The following PTPRM variants were observed in gnomAD, a reference collection of about 807,000 sequenced individuals.
The protein encoded by PTPRM is receptor-type tyrosine-protein phosphatase mu.
PTPRM carries 47 observed loss-of-function variants against 186.7 expected under a neutral mutation model. That is an observed-to-expected ratio of 0.25 (90% CI 0.20 to 0.32). The LOEUF (loss-of-function observed/expected upper bound fraction) is 0.32. Ranked by LOEUF, PTPRM falls within the 10% of genes least tolerant of loss-of-function variation. The pLI is 1.00. For missense variants in PTPRM, 1,494 were observed against 1,865.0 expected, an observed-to-expected ratio of 0.80 and a Z score of 3.66; for synonymous variants, 668 against 674.9, an observed-to-expected ratio of 0.99 and a Z score of 0.16.
Position 7,568,458 on chromosome 18 carries a change from C to A in PTPRM, c.73+567C>A, listed in dbSNP as rs1389821020. Among the ~76,000 whole-genome samples, 2 of 151,776 alleles carry A rather than the reference C, an allele frequency of 1.3e-5. No individual in the cohort carries two copies. Among genetic ancestry groups the A allele is most frequent in the Non-Finnish European group, 3.0e-5 (2 of 67,772 alleles). On this transcript the variant is annotated intron_variant, in intron 1 of 32. Coordinates refer to ENST00000580170, the MANE Select transcript of PTPRM (RefSeq NM_001105244.2). This position sits in a 1 kb window ranked among gnomAD's most constrained non-coding sequence, Gnocchi z 5.1. ...GCGGCTGGCGACCCCGGGAGGTCCC[C>A]GCGGTCGTGCAGCGTCTGCGGAGAG... is the stretch of plus-strand genomic sequence containing the variant.
intron 1 of PTPRM, among the ~76,000 whole-genome samples, chr18:7,681,525 A>G (rs2039480548): frequency 6.6e-6 from 1 of 151,896 alleles, no homozygotes; most frequent in Non-Finnish European, 1.5e-5. Flanking sequence ...GTTGATGTGT[A>G]TCTCTGCTCA....
chr18:8,075,296 A>G (rs2089739008), intron 8 of PTPRM, among the ~76,000 whole-genome samples: 2 of 152,186 alleles, frequency 1.3e-5, no homozygotes, highest in South Asian at 2.1e-4. Flanking sequence ...CTATGTAAAG[A>G]TATATATGTC....
chr18:8,177,028 A>G (rs550409641), intron 14 of PTPRM, among the ~76,000 whole-genome samples: 5 of 152,112 alleles, frequency 3.3e-5, no homozygotes, highest in Non-Finnish European at 5.9e-5. Flanking sequence ...TTATGTTTTT[A>G]CTTTTTTCAT....
chr18:8,397,867 T>C (rs751551185), intron 32 of PTPRM, among the ~76,000 whole-genome samples: 15 of 152,180 alleles, frequency 9.9e-5, no homozygotes, highest in Non-Finnish European at 1.8e-4. Context: ...TAGAGAAACA[T>C]AGTGTCCCCT....
chr18:7,843,859 G>C (rs1397343751), intron 2 of PTPRM, among the ~76,000 whole-genome samples: 1 of 152,086 alleles, frequency 6.6e-6, no homozygotes, highest in Admixed American at 6.6e-5. Context: ...CAAGTACCAG[G>C]GCCTGGAATC....
At chr18:7,572,323 C>T (rs976174725) in intron 1 of PTPRM, among the ~76,000 whole-genome samples, 2 of 152,050 alleles carry the variant, frequency 1.3e-5, no homozygotes, top group East Asian at 1.9e-4. Flanking sequence ...ATTATGTCTT[C>T]AGATTATATA....
chr18:8,056,626 G>GAA (rs775371004), intron 7 of PTPRM, among the ~76,000 whole-genome samples: 1 of 121,664 alleles, frequency 8.2e-6, no homozygotes, highest in South Asian at 2.5e-4. Context: ...CATCTCAGAA[G>GAA]AAAAAAAAAA....
Position 8,085,809 on chromosome 18 carries a change from C to T in PTPRM, c.1690C>T (p.Arg564Ter). ...YPGTTYSFTIRASTAKGFGPP... is the reference protein window; with the variant it reads ...YPGTTYSFTI ...GGGGACCACATACTCCTTTACCATC[C>T]GAGCTAGCACAGCTAAGGGTTTTGG... The change falls in exon 10 of 33, where the codon CGA (arginine) becomes TGA (stop). Residue 564 changes from arginine to a stop codon, truncating the protein, a stop_gained. Coordinates refer to ENST00000580170, the MANE Select transcript of PTPRM (RefSeq NM_001105244.2). LOFTEE classifies it high-confidence loss of function. The T allele has an allele frequency of 2.5e-6, 4 of 1,613,466 alleles. No homozygotes were observed. The highest frequency in any genetic ancestry group is 3.4e-6 in the Non-Finnish European group (4 of 1,179,606).
At chr18:8,175,541 A>G (rs900044527) in intron 14 of PTPRM, among the ~76,000 whole-genome samples, 1 of 152,230 alleles carries the variant, frequency 6.6e-6, no homozygotes, top group Non-Finnish European at 1.5e-5. Flanking sequence ...CCGGCAATCT[A>G]GAAATACCTA....
intron 1 of PTPRM, among the ~76,000 whole-genome samples, chr18:7,650,092 G>A (rs1157796956): frequency 2.0e-5 from 3 of 152,214 alleles, no homozygotes; most frequent in African/African-American, 4.8e-5. Flanking sequence ...GTATCTGTGC[G>A]GATTACTGGT....
At chr18:7,579,326 G>C (rs925167405) in intron 1 of PTPRM, among the ~76,000 whole-genome samples, 3 of 152,118 alleles carry the variant, frequency 2.0e-5, no homozygotes, top group African/African-American at 7.2e-5. Context: ...ATATGATTTT[G>C]ATCTTCTTTA....
chr18:8,378,037 A>G (rs2095707676), intron 26 of PTPRM: 2 of 398,770 alleles, frequency 5.0e-6, no homozygotes, highest in South Asian at 1.4e-4. Context: ...CACAGTTTTC[A>G]TGGTGCTGCA....
At chr18:8,400,965 C>G (rs2095869434) in intron 32 of PTPRM, among the ~76,000 whole-genome samples, 1 of 152,112 alleles carries the variant, frequency 6.6e-6, no homozygotes, top group Non-Finnish European at 1.5e-5. Context: ...CTCCAGGCAC[C>G]TTGAATCCAC....
chr18:8,090,883 C>A (rs1470795668), intron 11 of PTPRM, among the ~76,000 whole-genome samples: 2 of 152,178 alleles, frequency 1.3e-5, no homozygotes, highest in Non-Finnish European at 2.9e-5. Context: ...GTGTGAGCCA[C>A]CATGCCTGGC....
At chr18:7,669,514 G>A (rs2039169884) in intron 1 of PTPRM, among the ~76,000 whole-genome samples, 1 of 152,212 alleles carries the variant, frequency 6.6e-6, no homozygotes, top group African/African-American at 2.4e-5. Context: ...TTGCCTGGGA[G>A]ATTGGGGTCA....
At chr18:7,955,490 T>C in intron 7 of PTPRM, 76 bp downstream of exon 7, 1 of 1,502,652 alleles carries the variant, frequency 6.7e-7, no homozygotes, top group Non-Finnish European at 9.0e-7. Flanking sequence ...GTTGATCAGA[T>C]GCCTAGCACG....
At chr18:8,197,408 A>G (rs1018201047) in intron 14 of PTPRM, among the ~76,000 whole-genome samples, 2 of 152,210 alleles carry the variant, frequency 1.3e-5, no homozygotes, top group Admixed American at 6.5e-5. Flanking sequence ...ATTTCTTTAT[A>G]GTTAAAGGAT....
At chr18:7,911,638 G>A (rs887956644) in intron 4 of PTPRM, among the ~76,000 whole-genome samples, 3 of 152,054 alleles carry the variant, frequency 2.0e-5, no homozygotes, top group African/African-American at 7.2e-5. Context: ...TCAGACATAT[G>A]ATTCAAAAAC....
chr18:8,297,958 T>C (rs566336212), intron 20 of PTPRM, among the ~76,000 whole-genome samples: 1 of 152,324 alleles, frequency 6.6e-6, no homozygotes, highest in African/African-American at 2.4e-5. Context: ...TACTCCTCAG[T>C]GGATCCCATC....
Sources: gnomAD v4.1 joint callset for allele counts (sites outside exome capture counted in the v4.1 genomes callset) on GRCh38, gnomAD v4.1.1 for gene constraint, Gnocchi (gnomAD v3.1) non-coding constraint, MANE v1.5 for transcripts, NCBI Gene and HGNC (gene_info 2026-07-23, HGNC 2026-07-21) for gene names.